HNF4G: variants seen among roughly 807,000 people sequenced by gnomAD.
The protein encoded by HNF4G is hepatocyte nuclear factor 4-gamma.
In HNF4G, 21 loss-of-function variants were observed where a neutral mutation model predicts 50.9. The observed-to-expected ratio is 0.41, with a 90% CI of 0.29 to 0.59. The LOEUF (loss-of-function observed/expected upper bound fraction) is 0.59. HNF4G is among the 20% of genes least tolerant of loss of function. The pLI, the probability that HNF4G is intolerant of heterozygous loss-of-function variation, is 0.26. For synonymous variants in HNF4G, 198 were observed against 185.6 expected (o/e 1.07, Z -0.54); for missense variants, 527 against 559.4 (o/e 0.94, Z 0.58).
chr8:75,564,030 C>T lies in HNF4G; in HGVS notation c.1302C>T (p.Tyr434=). The T allele has an allele frequency of 1.2e-6, 2 of 1,613,680 alleles. No homozygotes were observed. Among genetic ancestry groups the T allele is most frequent in the African/African-American group, 1.3e-5 (1 of 75,012 alleles). Residue 434 remains tyrosine (Y), a synonymous_variant, in exon 10 of 10, where the codon TAC becomes TAT. Coordinates refer to ENST00000396423, the MANE Select transcript of HNF4G (RefSeq NM_004133.5). ...CACAAGGCTCTGGGCAAGAACAGTA[C>T]AAAATAGCTGCAAACCAAGCATCAG... ...SPPQGSGQEQ[Y]KIAANQASVI...
intron 1 of HNF4G, among the ~76,000 whole-genome samples, chr8:75,427,713 A>C (rs1337954419): frequency 3.3e-5 from 5 of 152,134 alleles, no homozygotes; most frequent in African/African-American, 9.7e-5. Context: ...AATTGTAATA[A>C]GCCTATGTTT....
At chr8:75,557,333 C>T (rs1318776652) in intron 6 of HNF4G, among the ~76,000 whole-genome samples, 1 of 151,990 alleles carries the variant, frequency 6.6e-6, no homozygotes, top group Non-Finnish European at 1.5e-5. Context: ...TAAAACATTA[C>T]ATTGGGCCAG....
intron 9 of HNF4G, among the ~76,000 whole-genome samples, chr8:75,563,185 C>T (rs1283556411): frequency 6.6e-6 from 1 of 151,974 alleles, no homozygotes; most frequent in East Asian, 1.9e-4. Context: ...TAACAATAAG[C>T]GTGAGTACTA....
chr8:75,494,414 T>C (rs949413712), intron 2 of HNF4G, among the ~76,000 whole-genome samples: 7 of 152,030 alleles, frequency 4.6e-5, no homozygotes, highest in African/African-American at 1.7e-4. Context: ...ATTTAAGTCA[T>C]TTTTATTGCC....
chr8:75,545,506 T>C (rs570915845), intron 2 of HNF4G, among the ~76,000 whole-genome samples: 2 of 152,098 alleles, frequency 1.3e-5, no homozygotes, highest in Non-Finnish European at 2.9e-5. Flanking sequence ...ATTCAGCAAA[T>C]GTTATGATTT....
intron 8 of HNF4G, 44 bp downstream of exon 8, chr8:75,559,081 C>A: frequency 8.2e-7 from 1 of 1,222,996 alleles, no homozygotes; most frequent in Non-Finnish European, 1.2e-6. Flanking sequence ...TAGAATCACA[C>A]TAAATATAAG....
chr8:75,502,084 C>A (rs1488471364), intron 2 of HNF4G, among the ~76,000 whole-genome samples: 1 of 152,172 alleles, frequency 6.6e-6, no homozygotes, highest in Non-Finnish European at 1.5e-5. Context: ...ATCTCCTGAC[C>A]TTGTGATCCA....
intron 1 of HNF4G, among the ~76,000 whole-genome samples, chr8:75,462,574 C>G (rs1209159280): frequency 6.6e-6 from 1 of 152,164 alleles, no homozygotes; most frequent in African/African-American, 2.4e-5. Context: ...CTGGTGTTAA[C>G]TGCAACTGCA....
chr8:75,448,191 C>A (rs963294330), intron 1 of HNF4G, among the ~76,000 whole-genome samples: 2 of 135,006 alleles, frequency 1.5e-5, no homozygotes, highest in African/African-American at 5.6e-5. Context: ...GAACAAAAAA[C>A]CAAACACCGT....
intron 2 of HNF4G, among the ~76,000 whole-genome samples, chr8:75,507,132 A>G (rs1262953628): frequency 1.3e-5 from 2 of 152,214 alleles, no homozygotes; most frequent in Non-Finnish European, 2.9e-5. Context: ...ATTATATGTA[A>G]GAACTATAAA....
In HNF4G at chr8:75,563,995, C is replaced by T; in HGVS notation, c.1267C>T (p.Pro423Ser). 6.2e-7 allele frequency: 1 copy of T among 1,613,660 alleles called. No homozygotes were observed. Among genetic ancestry groups the T allele is most frequent in the Non-Finnish European group, 8.5e-7 (1 of 1,179,658 alleles). ...DQISTPETPL[P>S]SPPQGSGQEQ... is the part of the protein sequence containing the mutation. ...TTCAGCAACTCCTGAAACCCCACTC[C>T]CTTCCCCACCACAAGGCTCTGGGCA... Residue 423 changes from proline (P) to serine (S), a missense_variant, in exon 10 of 10, where the codon CCT becomes TCT. This residue lies in a region of HNF4G where 308 missense variants were observed against 301.5 expected (regional missense o/e 1.02). Coordinates refer to ENST00000396423, the MANE Select transcript of HNF4G (RefSeq NM_004133.5).
At chr8:75,516,294 T>A (rs1805887723) in intron 2 of HNF4G, among the ~76,000 whole-genome samples, 1 of 152,210 alleles carries the variant, frequency 6.6e-6, no homozygotes, top group Admixed American at 6.5e-5. Flanking sequence ...TTCAAATATT[T>A]TTTTTTAAAT....
intron 1 of HNF4G, among the ~76,000 whole-genome samples, chr8:75,470,370 T>TG (rs1295441236): frequency 6.6e-6 from 1 of 152,224 alleles, no homozygotes; most frequent in Admixed American, 6.5e-5. Flanking sequence ...TGGTACTATA[T>TG]TTTTATGGCA....
intron 1 of HNF4G, among the ~76,000 whole-genome samples, chr8:75,442,767 A>G (rs1412337798): frequency 6.6e-6 from 1 of 152,080 alleles, no homozygotes; most frequent in Non-Finnish European, 1.5e-5. Flanking sequence ...TGAATATAGA[A>G]ATTTGATCAT....
intron 1 of HNF4G, among the ~76,000 whole-genome samples, chr8:75,414,357 G>C (rs1179496065): frequency 6.7e-6 from 1 of 149,216 alleles, no homozygotes; most frequent in Non-Finnish European, 1.5e-5. Flanking sequence ...CTTTGGGGGA[G>C]AAAAAAAAAC....
At chr8:75,425,859 T>C (rs1810880650) in intron 1 of HNF4G, among the ~76,000 whole-genome samples, 1 of 152,128 alleles carries the variant, frequency 6.6e-6, no homozygotes, top group Non-Finnish European at 1.5e-5. Context: ...GAACATAGTT[T>C]ACATGTCTTT....
At chr8:75,449,495 A>G (rs1483624521) in intron 1 of HNF4G, among the ~76,000 whole-genome samples, 1 of 142,082 alleles carries the variant, frequency 7.0e-6, no homozygotes, top group African/African-American at 2.7e-5. Flanking sequence ...TCAGTAATAT[A>G]TATATATTTT....
At chr8:75,450,106 C>G (rs1397806470) in intron 1 of HNF4G, among the ~76,000 whole-genome samples, 1 of 152,154 alleles carries the variant, frequency 6.6e-6, no homozygotes, top group African/African-American at 2.4e-5. Flanking sequence ...TGATCTGTGA[C>G]AGATGTCTTT....
At chr8:75,455,964 A>G (rs929497082) in intron 1 of HNF4G, among the ~76,000 whole-genome samples, 3 of 152,168 alleles carry the variant, frequency 2.0e-5, no homozygotes, top group Admixed American at 6.5e-5. Flanking sequence ...CTATAGAATT[A>G]GATATTTTAA....
Sources: allele counts gnomAD v4.1 joint callset (sites outside exome capture counted in the v4.1 genomes callset), GRCh38; gene constraint gnomAD v4.1.1; regional missense constraint gnomAD v4.1.1; transcripts MANE v1.5; gene names NCBI Gene and HGNC (gene_info 2026-07-23, HGNC 2026-07-21).